The following LGR4 variants were observed in gnomAD, a reference collection of about 807,000 sequenced individuals.
LGR4 encodes the protein leucine rich repeat containing G protein-coupled receptor 4, also known as leucine-rich repeat-containing G protein-coupled receptor 4.
Under a neutral mutation model 84.8 loss-of-function variants are expected in LGR4, and 44 were observed. The ratio of observed to expected loss-of-function variants is 0.52; its 90% CI spans 0.41 to 0.67. The LOEUF (loss-of-function observed/expected upper bound fraction) is 0.67. Among genes scored for constraint, LGR4 ranks in the 30% least tolerant of loss-of-function variants. The pLI, the probability that LGR4 is intolerant of heterozygous loss-of-function variation, is 0.00. For missense variants in LGR4, 1,032 were observed against 1,131.4 expected (o/e 0.91, Z 1.26); for synonymous variants, 429 against 434.3 (o/e 0.99, Z 0.15).
intron 1 of LGR4, among the ~76,000 whole-genome samples, chr11:27,434,592 A>G (rs1469985291): frequency 2.0e-5 from 3 of 152,222 alleles, no homozygotes; most frequent in Non-Finnish European, 2.9e-5. Context: ...CAGTAAGAGA[A>G]GCCCCTGCCT....
At chr11:27,472,082 C>T in intron 1 of LGR4, 36 bp downstream of exon 1, 2 of 1,159,208 alleles carry the variant, frequency 1.7e-6, no homozygotes, top group Non-Finnish European at 1.1e-6. Flanking sequence ...GCCCCGTTTC[C>T]TCCCCCCCCC....
chr11:27,398,325 G>A (rs1863428831), intron 2 of LGR4, among the ~76,000 whole-genome samples: 1 of 152,176 alleles, frequency 6.6e-6, no homozygotes, highest in Non-Finnish European at 1.5e-5. Flanking sequence ...AGCGACACTA[G>A]AGTTTCTTCA....
chr11:27,409,618 T>C (rs1863673133), intron 2 of LGR4, among the ~76,000 whole-genome samples: 1 of 152,104 alleles, frequency 6.6e-6, no homozygotes, highest in African/African-American at 2.4e-5. Context: ...AAGTCTAAAT[T>C]TCTTATCTTA....
chr11:27,456,910 T>C (rs1227701429), intron 1 of LGR4, among the ~76,000 whole-genome samples: 4 of 152,252 alleles, frequency 2.6e-5, no homozygotes, highest in Non-Finnish European at 5.9e-5. Context: ...TATAGATGTA[T>C]GTGTGCTTTT....
At position 27,389,539 on chromosome 11, in the gene LGR4, AT is replaced by A. The variant is rs900045835; in HGVS notation, c.401+1554del. On this transcript the variant is annotated intron_variant, in intron 4 of 17. Coordinates refer to ENST00000379214, the MANE Select transcript of LGR4 (RefSeq NM_018490.5). ...ACCACAAATTAGAGAGAATATTTGT[AT>A]TTTTTTGGTAATTTTTCTGTTCTAC... Among the ~76,000 whole-genome samples the A allele has an allele frequency of 3.9e-5, 6 of 152,122 alleles. No homozygotes were observed. In the East Asian group the frequency reaches 5.8e-4, roughly 15 times the overall value.
At chr11:27,466,920 A>G (rs1333150418) in intron 1 of LGR4, among the ~76,000 whole-genome samples, 2 of 152,076 alleles carry the variant, frequency 1.3e-5, no homozygotes, top group African/African-American at 2.4e-5. Context: ...AGTAGCTGGG[A>G]CTACAGGCGT....
chr11:27,373,275 T>C (rs1314539555), intron 15 of LGR4: 1 of 247,068 alleles, frequency 4.0e-6, no homozygotes, highest in Non-Finnish European at 7.7e-6. Flanking sequence ...TCTGCCATCT[T>C]ATTGCTAATG....
chr11:27,377,885 A>G (rs1361527611), intron 11 of LGR4, among the ~76,000 whole-genome samples: 1 of 152,188 alleles, frequency 6.6e-6, no homozygotes, highest in Admixed American at 6.5e-5. Flanking sequence ...TGGTCCCATA[A>G]GAGTATAATA....
intron 4 of LGR4, among the ~76,000 whole-genome samples, chr11:27,389,389 C>T (rs75119382): frequency 1.7e-3 from 260 of 152,224 alleles, no homozygotes; most frequent in African/African-American, 4.6e-3. Flanking sequence ...GCAATTTGCT[C>T]CATGAATGAT....
intron 1 of LGR4, among the ~76,000 whole-genome samples, chr11:27,423,861 T>C (rs1863970299): frequency 6.6e-6 from 1 of 152,236 alleles, no homozygotes; most frequent in Admixed American, 6.5e-5. Flanking sequence ...ATGAATCATA[T>C]GGTCCCTTGT....
chr11:27,384,398 A>T lies in LGR4; in HGVS notation c.627T>A (p.His209Gln). 4 of 1,607,840 alleles carry T rather than the reference A, an allele frequency of 2.5e-6. No homozygotes were observed. Among genetic ancestry groups the T allele is most frequent in the Non-Finnish European group, 3.4e-6 (4 of 1,175,208 alleles). ...GACTCAGGCTTCTAATTTTATTGTT[A>T]TGAAGATGCCTAAGGGGGAAAAAAA... ...NLSSLVVLHLHNNKIRSLSQH... is the reference protein window; with the variant it reads ...NLSSLVVLHLQNNKIRSLSQH... The change falls in exon 6 of 18, where the codon CAT becomes CAA. Residue 209 changes from histidine to glutamine, a missense_variant. Transcript: ENST00000379214.
At chr11:27,438,504 T>C (rs1864249106) in intron 1 of LGR4, among the ~76,000 whole-genome samples, 1 of 152,112 alleles carries the variant, frequency 6.6e-6, no homozygotes, top group South Asian at 2.1e-4. Flanking sequence ...CCTATGATGG[T>C]TAATTTTATG....
At chr11:27,405,271 CAGCTCCTGGGGCAG>C (rs1863583450) in intron 2 of LGR4, among the ~76,000 whole-genome samples, 1 of 152,162 alleles carries the variant, frequency 6.6e-6, no homozygotes, top group South Asian at 2.1e-4. Flanking sequence ...TCTCCTCCCA[CAGCTCCTGGGGCAG>C]AGTTCTGCCC....
At chr11:27,394,775 T>C (rs933842068) in intron 2 of LGR4, among the ~76,000 whole-genome samples, 3 of 152,116 alleles carry the variant, frequency 2.0e-5, no homozygotes, top group Non-Finnish European at 2.9e-5. Flanking sequence ...ATGTGCCCTA[T>C]GCTTGAACAC....
intron 1 of LGR4, among the ~76,000 whole-genome samples, chr11:27,465,718 C>A (rs1409242972): frequency 6.6e-6 from 1 of 152,178 alleles, no homozygotes; most frequent in Non-Finnish European, 1.5e-5. Context: ...TTTCTAAACT[C>A]AATTTTTAAC....
At chr11:27,392,393 A>G in intron 3 of LGR4, 54 bp downstream of exon 3, 2 of 1,355,482 alleles carry the variant, frequency 1.5e-6, no homozygotes, top group Non-Finnish European at 2.0e-6. Flanking sequence ...CATGTTGACT[A>G]CGCAGAAAGA....
chr11:27,468,781 A>G (rs1468885506), intron 1 of LGR4, among the ~76,000 whole-genome samples: 1 of 152,292 alleles, frequency 6.6e-6, no homozygotes, highest in Non-Finnish European at 1.5e-5. Context: ...TCAAGGACTC[A>G]GGTCCACCAC....
intron 2 of LGR4, among the ~76,000 whole-genome samples, chr11:27,398,206 A>C (rs891620525): frequency 6.6e-6 from 1 of 152,222 alleles, no homozygotes; most frequent in African/African-American, 2.4e-5. Context: ...AAAATGCAGG[A>C]ACTGCGCTGT....
intron 1 of LGR4, among the ~76,000 whole-genome samples, chr11:27,416,861 G>A (rs1298781572): frequency 1.3e-5 from 2 of 152,088 alleles, no homozygotes; most frequent in Non-Finnish European, 2.9e-5. Context: ...AACTCTCATC[G>A]TCTTTTCCCC....
Sources: allele counts gnomAD v4.1 joint callset (sites outside exome capture counted in the v4.1 genomes callset), GRCh38; gene constraint gnomAD v4.1.1; transcripts MANE v1.5; gene names NCBI Gene and HGNC (gene_info 2026-07-23, HGNC 2026-07-21).